Variants in ABCG2 observed in about 807,000 individuals in gnomAD.
The protein encoded by ABCG2 is broad substrate specificity ATP-binding cassette transporter ABCG2.
In ABCG2, 80 loss-of-function variants were observed where a neutral mutation model predicts 73.5. The ratio of observed to expected loss-of-function variants is 1.09; its 90% CI spans 0.91 to 1.31. ABCG2 has a LOEUF of 1.31. Among genes scored for constraint, ABCG2 ranks in the 50% most tolerant of loss-of-function variants. The pLI, the probability that ABCG2 is intolerant of heterozygous loss-of-function variation, is 0.00. For synonymous variants in ABCG2, 269 were observed against 282.4 expected (o/e 0.95, Z 0.48); for missense variants, 796 against 786.2 (o/e 1.01, Z -0.15).
chr4:88,166,468 A>C (rs1302296576), intron 1 of ABCG2, among the ~76,000 whole-genome samples: 1 of 152,122 alleles, frequency 6.6e-6, no homozygotes, highest in African/African-American at 2.4e-5. Context: ...AGTAAGTGTA[A>C]ATAAACCTTG....
chr4:88,230,010 G>T (rs890493844), intron 1 of ABCG2, among the ~76,000 whole-genome samples: 1 of 80,650 alleles, frequency 1.2e-5, no homozygotes, highest in Admixed American at 1.3e-4. Context: ...ATTATTATTA[G>T]AGACAGAGTT....
chr4:88,125,961 G>GA (rs998687487), intron 5 of ABCG2, among the ~76,000 whole-genome samples: 2 of 151,604 alleles, frequency 1.3e-5, no homozygotes, highest in African/African-American at 4.8e-5. Flanking sequence ...ATAGAGACAG[G>GA]AAAAAACCCT....
intron 1 of ABCG2, among the ~76,000 whole-genome samples, chr4:88,217,043 A>T (rs770100901): frequency 8.6e-5 from 13 of 151,904 alleles, no homozygotes; most frequent in Non-Finnish European, 1.3e-4. Context: ...AAAAAAAAAA[A>T]ATTTTTTTTT....
At chr4:88,204,313 C>G (rs367768186) in intron 1 of ABCG2, among the ~76,000 whole-genome samples, 1 of 151,660 alleles carries the variant, frequency 6.6e-6, no homozygotes, top group African/African-American at 2.4e-5. Flanking sequence ...CCCAGCTACT[C>G]GGGAGGCTGA....
chr4:88,123,592 A>G (rs931750738), intron 5 of ABCG2, among the ~76,000 whole-genome samples: 5 of 152,134 alleles, frequency 3.3e-5, no homozygotes, highest in Non-Finnish European at 7.3e-5. Flanking sequence ...TTAATGAAAT[A>G]AAGCGTGAAG....
At chr4:88,194,532 A>T (rs1728855787) in intron 1 of ABCG2, among the ~76,000 whole-genome samples, 1 of 111,326 alleles carries the variant, frequency 9.0e-6, no homozygotes, top group African/African-American at 3.6e-5. Flanking sequence ...CCTGGGCGAC[A>T]GAGCCAGACT....
At chr4:88,201,104 G>GA (rs1319803094) in intron 1 of ABCG2, among the ~76,000 whole-genome samples, 1 of 131,954 alleles carries the variant, frequency 7.6e-6, no homozygotes, top group Non-Finnish European at 1.6e-5. Context: ...ATAAAAATCA[G>GA]AAAAAACATG....
intron 11 of ABCG2, among the ~76,000 whole-genome samples, chr4:88,100,389 G>A (rs1445046888): frequency 2.6e-5 from 4 of 151,818 alleles, no homozygotes; most frequent in Admixed American, 6.6e-5. Context: ...TGTAATCCCA[G>A]CTACTTGGGA....
intron 1 of ABCG2, among the ~76,000 whole-genome samples, chr4:88,183,121 A>G (rs999376339): frequency 6.8e-6 from 1 of 147,518 alleles, no homozygotes; most frequent in Non-Finnish European, 1.5e-5. Context: ...AAAAAAGTGG[A>G]AAAACTTCAA....
Position 88,202,374 on chromosome 4 carries a change from A to ATATATATATATATATATATATATG in ABCG2, c.-20+28619_-20+28620insCATATATATATATATATATATATA, listed in dbSNP as rs1240795047. Among the ~76,000 whole-genome samples, 375 of 115,612 alleles carry ATATATATATATATATATATATATG rather than the reference A, an allele frequency of 3.2e-3. 10 individuals are homozygous for ATATATATATATATATATATATATG. The highest frequency in any genetic ancestry group is 5.2e-3 in the Non-Finnish European group (283 of 53,990). The allele number at this position is 115,612 out of a possible 152,430, so 75.8% of individuals were successfully genotyped here. ...ATTATTTATATATATATATATATAT[A>ATATATATATATATATATATATATG]TATGTATATTTTAATTAGCTGGGCA... On this transcript the variant is annotated intron_variant, in intron 1 of 15. Transcript: ENST00000515655.
intron 2 of ABCG2, among the ~76,000 whole-genome samples, chr4:88,136,689 A>AGAG (rs1246770413): frequency 6.6e-6 from 1 of 151,772 alleles, no homozygotes; most frequent in Non-Finnish European, 1.5e-5. Context: ...CTGGGCAACA[A>AGAG]CGTAAGACCT....
chr4:88,175,160 T>C (rs1166499063), intron 1 of ABCG2, among the ~76,000 whole-genome samples: 2 of 152,212 alleles, frequency 1.3e-5, no homozygotes, highest in African/African-American at 4.8e-5. Context: ...AAGAAACAGA[T>C]TGTTATGTTC....
chr4:88,147,090 AAAG>A (rs1053780650), intron 1 of ABCG2, among the ~76,000 whole-genome samples: 6 of 150,258 alleles, frequency 4.0e-5, no homozygotes, highest in Non-Finnish European at 1.5e-5. Context: ...AGAAAAGAAA[AAAG>A]AAGAGAGAAA....
chr4:88,118,282 A>C (rs147211144), intron 6 of ABCG2, 22 bp from the exon 7 acceptor site: 3 of 1,610,202 alleles, frequency 1.9e-6, no homozygotes, highest in Non-Finnish European at 2.5e-6. Context: ...GTGAGACAAT[A>C]CTAAGTCATT....
At chr4:88,103,348 T>A (rs1039640018) in intron 10 of ABCG2, among the ~76,000 whole-genome samples, 3 of 152,230 alleles carry the variant, frequency 2.0e-5, no homozygotes, top group Non-Finnish European at 2.9e-5. Flanking sequence ...CAGTTTTTTC[T>A]TATTAAGGAA....
At chr4:88,160,030 G>A (rs369320080), upstream of ABCG2, among the ~76,000 whole-genome samples, 10 of 151,978 alleles carry the variant, frequency 6.6e-5, no homozygotes, top group South Asian at 1.2e-3. Context: ...ATCACTTGAG[G>A]CCAGGAGTTC....
At chr4:88,118,557 TA>T (rs1473798013) in intron 6 of ABCG2, among the ~76,000 whole-genome samples, 5 of 152,304 alleles carry the variant, frequency 3.3e-5, no homozygotes, top group African/African-American at 1.2e-4. Context: ...TCTCTGGCAG[TA>T]GGTCTAGGGA....
At chr4:88,114,595 C>A (rs1392879202) in intron 8 of ABCG2, among the ~76,000 whole-genome samples, 1 of 150,778 alleles carries the variant, frequency 6.6e-6, no homozygotes, top group Admixed American at 6.6e-5. Flanking sequence ...CCATTGCACT[C>A]CAGCCTGGGT....
chr4:88,189,943 C>CATTGTTCTTGAACATTAAAA (rs1728618115), intron 1 of ABCG2, among the ~76,000 whole-genome samples: 3 of 151,998 alleles, frequency 2.0e-5, no homozygotes, highest in Admixed American at 2.0e-4. Flanking sequence ...TTAAAAAGAA[C>CATTGTTCTTGAACATTAAAA]AGTACATTGT....
Sources: allele counts gnomAD v4.1 joint callset (sites outside exome capture counted in the v4.1 genomes callset), GRCh38; gene constraint gnomAD v4.1.1; transcripts MANE v1.5; gene names NCBI Gene and HGNC (gene_info 2026-07-23, HGNC 2026-07-21).